Variants in DSE observed in about 807,000 individuals in gnomAD.
DSE encodes the protein dermatan sulfate epimerase.
In DSE, 36 loss-of-function variants were observed where a neutral mutation model predicts 84.4. The ratio of observed to expected loss-of-function variants is 0.43; its 90% CI spans 0.33 to 0.56. DSE has a LOEUF of 0.56. Among genes scored for constraint, DSE ranks in the 20% least tolerant of loss-of-function variants. DSE has a pLI of 0.06. For synonymous variants in DSE, 410 were observed against 430.1 expected (o/e 0.95, Z 0.58); for missense variants, 862 against 1,169.6 (o/e 0.74, Z 3.84).
At chr6:116,349,189 A>G (rs1386761788) in intron 2 of DSE, among the ~76,000 whole-genome samples, 3 of 152,136 alleles carry the variant, frequency 2.0e-5, no homozygotes. Context: ...ATGGATATGT[A>G]TACATATATA....
At chr6:116,373,813 T>G (rs1330319859) in intron 1 of DSE, among the ~76,000 whole-genome samples, 6 of 152,208 alleles carry the variant, frequency 3.9e-5, no homozygotes, top group Non-Finnish European at 8.8e-5. Context: ...AATAAAATAT[T>G]TATACATTTC....
chr6:116,323,660 T>A (rs979955997), intron 2 of DSE, among the ~76,000 whole-genome samples: 1 of 152,240 alleles, frequency 6.6e-6, no homozygotes, highest in African/African-American at 2.4e-5. Flanking sequence ...ACAAAGATTT[T>A]TAAATATTCT....
At position 116,279,954 on chromosome 6, in the gene DSE, A is replaced by G. The variant is rs567712003; in HGVS notation, c.-54+20987A>G. 14 of 1,388,998 alleles carry G rather than the reference A, an allele frequency of 1.0e-5. No homozygotes were observed. The South Asian group carries it at 1.4e-4, about 14-fold the overall frequency. 86.0% of individuals were successfully genotyped at this position (1,388,998 alleles called of 1,614,324 possible). A position where few individuals can be genotyped will look rare whatever the true frequency, so the allele number is the denominator to read the frequency against. On this transcript the variant is annotated intron_variant, in intron 2 of 3. Transcript: ENST00000430252. ...CTAACATTTCAGCGGCGGTGTCGTC[A>G]GGACTGGAGATCTCACGGTATCGCG...
chr6:116,266,083 G>C (rs1469525514), intron 2 of DSE, among the ~76,000 whole-genome samples: 1 of 151,998 alleles, frequency 6.6e-6, no homozygotes, highest in African/African-American at 2.4e-5. Flanking sequence ...GTCCTGGTGT[G>C]CAGTAGCCCC....
upstream of DSE, among the ~76,000 whole-genome samples, chr6:116,365,766 G>A (rs1779133727): frequency 6.6e-6 from 1 of 152,332 alleles, no homozygotes; most frequent in African/African-American, 2.4e-5. Context: ...CCCAAGTGAT[G>A]CTAATATGCA....
intron 2 of DSE, among the ~76,000 whole-genome samples, chr6:116,311,238 C>T (rs79131727): frequency 6.6e-6 from 1 of 152,328 alleles, no homozygotes; most frequent in African/African-American, 2.4e-5. Flanking sequence ...GCATTTGTCA[C>T]AATCCAAAGC....
chr6:116,274,663 T>C (rs2114621342), intron 2 of DSE, among the ~76,000 whole-genome samples: 1 of 152,290 alleles, frequency 6.6e-6, no homozygotes, highest in Admixed American at 6.5e-5. Context: ...CCAATATAAC[T>C]GTGTCAATTT....
At chr6:116,327,056 G>A (rs926072764) in intron 2 of DSE, among the ~76,000 whole-genome samples, 4 of 152,244 alleles carry the variant, frequency 2.6e-5, no homozygotes, top group East Asian at 3.9e-4. Context: ...TAACTCGAGC[G>A]GAAATGGATG....
At chr6:116,283,305 A>G (rs1173022033) in intron 2 of DSE, among the ~76,000 whole-genome samples, 1 of 152,156 alleles carries the variant, frequency 6.6e-6, no homozygotes, top group Non-Finnish European at 1.5e-5. Context: ...TAAGTAGCCT[A>G]TGGCTCCTTA....
intron 2 of DSE, among the ~76,000 whole-genome samples, chr6:116,355,096 C>G (rs893563637): frequency 1.3e-5 from 2 of 152,178 alleles, no homozygotes; most frequent in African/African-American, 4.8e-5. Context: ...GAGTTGTTTT[C>G]AGTATTTTGC....
At chr6:116,288,797 A>G (rs1014318115) in intron 2 of DSE, among the ~76,000 whole-genome samples, 6 of 152,118 alleles carry the variant, frequency 3.9e-5, no homozygotes, top group African/African-American at 1.4e-4. Flanking sequence ...TATTCTAGAC[A>G]TACAGCATCT....
intron 2 of DSE, among the ~76,000 whole-genome samples, chr6:116,406,855 A>C (rs1036542367): frequency 6.6e-6 from 1 of 152,172 alleles, no homozygotes; most frequent in African/African-American, 2.4e-5. Context: ...GGGCCAGATC[A>C]TTGCTTATCC....
At chr6:116,421,463 ATTTTTTT>A (rs71012335) in intron 2 of DSE, among the ~76,000 whole-genome samples, 6 of 61,342 alleles carry the variant, frequency 9.8e-5, no homozygotes, top group African/African-American at 4.6e-4. Flanking sequence ...ATATATATAT[ATTTTTTT>A]TTTTTTTTTT....
At chr6:116,352,104 A>G (rs1234029327) in intron 2 of DSE, among the ~76,000 whole-genome samples, 1 of 150,264 alleles carries the variant, frequency 6.7e-6, no homozygotes, top group Non-Finnish European at 1.5e-5. Context: ...AAAGTTAGTT[A>G]ATATCTCTGA....
upstream of DSE, among the ~76,000 whole-genome samples, chr6:116,365,595 AGTT>A (rs1351305473): frequency 1.3e-5 from 2 of 152,156 alleles, no homozygotes; most frequent in East Asian, 3.8e-4. Context: ...TGTGCAGCAA[AGTT>A]TGGGAAGCAC....
At chr6:116,345,175 T>G (rs1777872037) in intron 2 of DSE, among the ~76,000 whole-genome samples, 2 of 152,116 alleles carry the variant, frequency 1.3e-5, no homozygotes, top group Admixed American at 6.5e-5. Context: ...AATGGGAGAC[T>G]TCAACACCCC....
intron 2 of DSE, among the ~76,000 whole-genome samples, chr6:116,310,058 G>A (rs999047503): frequency 6.6e-6 from 1 of 152,094 alleles, no homozygotes; most frequent in South Asian, 2.1e-4. Context: ...CAGGTTTTCT[G>A]CTAGGCACCT....
chr6:116,280,926 A>G (rs1240380820), intron 2 of DSE, among the ~76,000 whole-genome samples: 1 of 152,232 alleles, frequency 6.6e-6, no homozygotes, highest in African/African-American at 2.4e-5. Flanking sequence ...GTTATTTTCT[A>G]CTTAATTTGC....
At chr6:116,309,313 CACATACAT>C (rs145676578) in intron 2 of DSE, among the ~76,000 whole-genome samples, 10,551 of 150,244 alleles carry the variant, frequency 0.07, 775 homozygotes, top group African/African-American at 0.18. Flanking sequence ...ATTTGGAATA[CACATACAT>C]ACATACATAC....
Sources: allele counts gnomAD v4.1 joint callset (sites outside exome capture counted in the v4.1 genomes callset), GRCh38; gene constraint gnomAD v4.1.1; transcripts MANE v1.5; gene names NCBI Gene and HGNC (gene_info 2026-07-23, HGNC 2026-07-21).